The following PPFIBP2 variants were observed in gnomAD, a reference collection of about 807,000 sequenced individuals.
PPFIBP2 encodes the protein liprin-beta-2.
PPFIBP2 carries 118 observed loss-of-function variants against 118.3 expected under a neutral mutation model. That is an observed-to-expected ratio of 1.00 (90% CI 0.86 to 1.16). The LOEUF is 1.16. Among genes scored for constraint, PPFIBP2 ranks in the 50% most tolerant of loss-of-function variants. The pLI is 0.00. For missense variants in PPFIBP2, 1,195 were observed against 1,073.1 expected, an observed-to-expected ratio of 1.11 and a Z score of -1.59; for synonymous variants, 414 against 397.4, an observed-to-expected ratio of 1.04 and a Z score of -0.50.
At chr11:7,659,228 G>A (rs1247940020), downstream of PPFIBP2, among the ~76,000 whole-genome samples, 210 of 132,240 alleles carry the variant, frequency 1.6e-3, no homozygotes, top group South Asian at 2.4e-3. Flanking sequence ...CCATGCCTAT[G>A]TCCTGAATGG....
At chr11:7,619,533 C>A (rs188774489) in intron 6 of PPFIBP2, among the ~76,000 whole-genome samples, 2 of 152,248 alleles carry the variant, frequency 1.3e-5, no homozygotes, top group Admixed American at 6.5e-5. Context: ...TCATATCACT[C>A]CCCCAGATGC....
At chr11:7,570,048 A>G (rs957136187) in intron 3 of PPFIBP2, among the ~76,000 whole-genome samples, 18 of 152,046 alleles carry the variant, frequency 1.2e-4, no homozygotes, top group African/African-American at 4.1e-4. Context: ...GGCAAGAAGG[A>G]CCCGGTACAA....
intron 3 of PPFIBP2, among the ~76,000 whole-genome samples, chr11:7,587,816 C>A (rs1741057955): frequency 1.3e-5 from 2 of 152,222 alleles, no homozygotes; most frequent in African/African-American, 4.8e-5. Flanking sequence ...AGATGAGGAT[C>A]TTTCTAAGAA....
At chr11:7,571,719 G>A (rs1261466549) in intron 3 of PPFIBP2, 2 of 152,186 alleles carry the variant, frequency 1.3e-5, no homozygotes, top group Middle Eastern at 3.2e-3. Flanking sequence ...GTGAACTTGA[G>A]TGAGAGATGA....
At chr11:7,642,000 G>A (rs1280533936) in intron 16 of PPFIBP2, 3 of 409,964 alleles carry the variant, frequency 7.3e-6, no homozygotes, top group Non-Finnish European at 1.3e-5. Flanking sequence ...AGTACTTGCT[G>A]GCCCAACTGA....
At chr11:7,577,332 T>TGTGTGTGTGCGTGTGTGTGTGTGC in intron 3 of PPFIBP2, 1 of 243,442 alleles carries the variant, frequency 4.1e-6, no homozygotes, top group South Asian at 3.2e-5. Context: ...TGTGTGTGTG[T>TGTGTGTGTGCGTGTGTGTGTGTGC]GTGTGTGTGT....
At chr11:7,632,701 C>T (rs1850932465) in intron 11 of PPFIBP2, 166 bp from the exon 12 acceptor site, 1 of 568,872 alleles carries the variant, frequency 1.8e-6, no homozygotes, top group Non-Finnish European at 3.2e-6. Context: ...CCTACCACAC[C>T]CCCTTGCATC....
chr11:7,565,828 G>T, intron 3 of PPFIBP2, 61 bp downstream of exon 3: 1 of 1,561,222 alleles, frequency 6.4e-7, no homozygotes. Context: ...AGCCCATGGA[G>T]TGCCACTGCT....
rs971663768 is a variant in PPFIBP2 at position 7,597,075 on chromosome 11, C to T, written c.373-485C>T. 4 of 1,124,820 alleles carry T rather than the reference C, an allele frequency of 3.6e-6. No individual in the cohort carries two copies. The South Asian group carries it at 5.5e-5, about 15-fold the overall frequency. 69.7% of individuals were successfully genotyped at this position (1,124,820 alleles called of 1,614,324 possible). On this transcript the variant is annotated intron_variant, in intron 4 of 23. Transcript: ENST00000299492. ...TACATGCCCTTTACAGCCCACATTC[C>T]TTAATTGCATCAAAACACTCACCTG...
the PPFIBP2 span, among the ~76,000 whole-genome samples, chr11:7,664,596 C>T: frequency 6.6e-6 from 1 of 152,102 alleles, no homozygotes; most frequent in Admixed American, 6.5e-5. Flanking sequence ...AGTTGAGAAC[C>T]AGTAGGTGAG....
intron 15 of PPFIBP2, chr11:7,640,891 A>G: frequency 1.6e-6 from 1 of 607,156 alleles, no homozygotes; most frequent in Non-Finnish European, 2.6e-6. Flanking sequence ...CCATGGGATT[A>G]TTTTTCTTTC....
chr11:7,571,258 AC>A (rs1262187263), intron 3 of PPFIBP2, among the ~76,000 whole-genome samples: 1 of 151,546 alleles, frequency 6.6e-6, no homozygotes, highest in Non-Finnish European at 1.5e-5. Context: ...GAGCACAGCC[AC>A]CCCCCCTTCT....
downstream of PPFIBP2, among the ~76,000 whole-genome samples, chr11:7,659,924 T>A (rs1854855348): frequency 2.4e-5 from 3 of 123,968 alleles, 1 homozygote; most frequent in South Asian, 8.8e-4. Context: ...TGAATGGGAA[T>A]TCACTCATGA....
chr11:7,662,933 A>T, the PPFIBP2 span, among the ~76,000 whole-genome samples: 4 of 135,538 alleles, frequency 3.0e-5, no homozygotes, highest in African/African-American at 1.0e-4. Context: ...CTTCCAGTTG[A>T]TCGCATCGGC....
intron 6 of PPFIBP2, chr11:7,617,017 T>C (rs569971839): frequency 3.1e-5 from 19 of 619,652 alleles, no homozygotes; most frequent in African/African-American, 3.0e-4. Flanking sequence ...CCCTGCCCCA[T>C]GCACACTTCC....
chr11:7,662,659 G>A, the PPFIBP2 span, among the ~76,000 whole-genome samples: 6 of 145,304 alleles, frequency 4.1e-5, no homozygotes, highest in Non-Finnish European at 7.7e-5. Context: ...TATCTTTCTG[G>A]CGTTCTCTGT....
chr11:7,516,638 C>T (rs538181753), intron 1 of PPFIBP2, among the ~76,000 whole-genome samples: 2 of 152,192 alleles, frequency 1.3e-5, no homozygotes, highest in South Asian at 4.2e-4. Context: ...CAAGTGAGGA[C>T]GAGGCAGGGG....
chr11:7,604,226 G>A (rs1362118981), intron 5 of PPFIBP2, among the ~76,000 whole-genome samples: 1 of 152,170 alleles, frequency 6.6e-6, no homozygotes, highest in Non-Finnish European at 1.5e-5. Flanking sequence ...CAGGAAAACC[G>A]AGAGCAAGGA....
intron 2 of PPFIBP2, 87 bp from the exon 3 acceptor site, chr11:7,565,466 C>G: frequency 7.3e-7 from 1 of 1,372,026 alleles, no homozygotes; most frequent in Non-Finnish European, 1.0e-6. Context: ...TCCCTTTCAC[C>G]GTTTCTTCAC....
Sources: allele counts gnomAD v4.1 joint callset (sites outside exome capture counted in the v4.1 genomes callset), GRCh38; gene constraint gnomAD v4.1.1; transcripts MANE v1.5; gene names NCBI Gene and HGNC (gene_info 2026-07-23, HGNC 2026-07-21).